The following ZDHHC21 variants were observed in gnomAD, a reference collection of about 807,000 sequenced individuals.
ZDHHC21 encodes the protein palmitoyltransferase ZDHHC21.
Under a neutral mutation model 34.6 loss-of-function variants are expected in ZDHHC21, and 15 were observed. The observed-to-expected ratio is 0.43, with a 90% CI of 0.29 to 0.67. The LOEUF is 0.67. Ranked by LOEUF, ZDHHC21 falls within the 30% of genes least tolerant of loss-of-function variation. The probability of loss-of-function intolerance (pLI) is 0.14; values close to 1 mark genes in which losing one functional copy is unlikely to be tolerated. For missense variants in ZDHHC21, 344 were observed against 327.7 expected (o/e 1.05, Z -0.38); for synonymous variants, 142 against 101.8 (o/e 1.40, Z -2.38).
At chr9:14,603,677 TA>T in the ZDHHC21 span, among the ~76,000 whole-genome samples, 1 of 152,076 alleles carries the variant, frequency 6.6e-6, no homozygotes, top group Non-Finnish European at 1.5e-5. Context: ...AATATGAAAA[TA>T]AGATCTCAAC....
At position 14,666,581 on chromosome 9, in the gene ZDHHC21, T is replaced by C. The variant is rs1343111997; in HGVS notation, c.254-4255A>G. Among the ~76,000 whole-genome samples, 10 of 105,052 alleles carry C rather than the reference T, an allele frequency of 9.5e-5. 2 individuals are homozygous for C. Among genetic ancestry groups the C allele is most frequent in the African/African-American group, 2.5e-4 (8 of 31,668 alleles). The allele number at this position is 105,052 out of a possible 152,430, so 68.9% of individuals were successfully genotyped here. On this transcript the variant is annotated intron_variant, in intron 5 of 9. Transcript: ENST00000380916. ...GCACCACACCACACCTATTCCAAAA[T>C]TGACCACATAGTAGGAAGTAAAGCT...
intron 2 of ZDHHC21, among the ~76,000 whole-genome samples, chr9:14,686,840 G>T (rs901449108): frequency 1.3e-5 from 2 of 150,290 alleles, no homozygotes; most frequent in South Asian, 4.1e-4. Flanking sequence ...GGGCGTGGTG[G>T]TGTGTGCCTG....
chr9:14,661,506 A>G (rs1833392298), intron 6 of ZDHHC21, among the ~76,000 whole-genome samples: 1 of 152,240 alleles, frequency 6.6e-6, no homozygotes, highest in African/African-American at 2.4e-5. Flanking sequence ...CAGAGAGCCA[A>G]TGCTAAGAAA....
chr9:14,605,060 T>C, the ZDHHC21 span, among the ~76,000 whole-genome samples: 7 of 152,170 alleles, frequency 4.6e-5, no homozygotes, highest in Non-Finnish European at 1.0e-4. Flanking sequence ...TATGGCTGAA[T>C]AACATTCCAT....
At chr9:14,692,027 C>A (rs981438630) in intron 1 of ZDHHC21, among the ~76,000 whole-genome samples, 1 of 152,180 alleles carries the variant, frequency 6.6e-6, no homozygotes, top group Non-Finnish European at 1.5e-5. Context: ...GGACTAGAAT[C>A]TAGTTTTTCT....
chr9:14,690,456 T>C (rs1839002109), intron 1 of ZDHHC21, 71 bp from the exon 2 acceptor site: 2 of 417,584 alleles, frequency 4.8e-6, no homozygotes, highest in Middle Eastern at 4.5e-4. Context: ...TTAGGTTAGA[T>C]TTAAAATAAA....
At chr9:14,620,303 TC>T (rs1027220296) in intron 8 of ZDHHC21, among the ~76,000 whole-genome samples, 2 of 152,014 alleles carry the variant, frequency 1.3e-5, no homozygotes, top group African/African-American at 2.4e-5. Flanking sequence ...AAAAAAAATT[TC>T]AACAAACAGA....
chr9:14,650,444 A>G (rs1052585879), intron 7 of ZDHHC21, among the ~76,000 whole-genome samples: 1 of 151,952 alleles, frequency 6.6e-6, no homozygotes, highest in Admixed American at 6.6e-5. Context: ...TAAAAAGCTA[A>G]ATGTGTATTT....
chr9:14,596,296 T>C, the ZDHHC21 span, among the ~76,000 whole-genome samples: 1 of 152,216 alleles, frequency 6.6e-6, no homozygotes, highest in Non-Finnish European at 1.5e-5. Context: ...TCAGTAGTGG[T>C]GGTAGCCACA....
chr9:14,677,927 A>C (rs1836716901), intron 3 of ZDHHC21, among the ~76,000 whole-genome samples: 1 of 152,154 alleles, frequency 6.6e-6, no homozygotes. Context: ...TTAGAAAAGC[A>C]TAAAGATTAG....
rs760034714 is a variant in ZDHHC21 at position 14,613,059 on chromosome 9, G to C, written c.*5907C>G. ...GTGAAAAGTGCTTCAATTATCTTTT[G>C]TAATTTCAGCCTATCAAACTACCTT... is the stretch of plus-strand genomic sequence containing the variant. On this transcript the variant is annotated 3_prime_UTR_variant, in exon 10 of 10. Coordinates refer to ENST00000380916, the MANE Select transcript of ZDHHC21 (RefSeq NM_178566.6). 3 of 151,546 alleles carry C rather than the reference G, an allele frequency of 2.0e-5. No individual in the cohort carries two copies. Among genetic ancestry groups the C allele is most frequent in the East Asian group, 1.9e-4 (1 of 5,176 alleles). The allele number at this position is 151,546 out of a possible 1,614,324, so 9.4% of individuals were successfully genotyped here.
intron 3 of ZDHHC21, among the ~76,000 whole-genome samples, chr9:14,678,377 C>T (rs189954172): frequency 6.6e-6 from 1 of 152,026 alleles, no homozygotes; most frequent in East Asian, 1.9e-4. Flanking sequence ...TACTGCAACA[C>T]ATGACCGACA....
chr9:14,604,001 A>T, the ZDHHC21 span, among the ~76,000 whole-genome samples: 13 of 152,326 alleles, frequency 8.5e-5, no homozygotes, highest in African/African-American at 3.1e-4. Context: ...ATTTACAAAG[A>T]CTTTTTCCAG....
In ZDHHC21 at chr9:14,649,109, C is replaced by T. The variant is rs1176350892; in HGVS notation, c.505-9097G>A. Among the ~76,000 whole-genome samples the T allele has an allele frequency of 4.6e-5, 7 of 151,972 alleles. No individual in the cohort carries two copies. In the East Asian group the frequency reaches 1.4e-3, roughly 29 times the overall value. On this transcript the variant is annotated intron_variant, in intron 7 of 9. Transcript: ENST00000380916. ...GATGCCAGTAGCACTCCCCTAGCTG[C>T]GACAACCAAAAACATCTCCAGACAT...
intron 2 of ZDHHC21, among the ~76,000 whole-genome samples, chr9:14,685,154 A>G (rs553024508): frequency 6.8e-4 from 103 of 151,988 alleles, no homozygotes; most frequent in African/African-American, 2.4e-3. Flanking sequence ...CAAGGACTTC[A>G]TGTCTAAAAC....
chr9:14,681,813 C>G (rs1003676831), intron 2 of ZDHHC21, among the ~76,000 whole-genome samples: 1 of 150,890 alleles, frequency 6.6e-6, no homozygotes. Context: ...ATGGGCAGAT[C>G]GAAGCCCATC....
intron 2 of ZDHHC21, among the ~76,000 whole-genome samples, chr9:14,687,093 G>T (rs1278182193): frequency 6.6e-6 from 1 of 150,640 alleles, no homozygotes; most frequent in East Asian, 1.9e-4. Flanking sequence ...TTTGAAAGAT[G>T]GCCAAAAACA....
intron 7 of ZDHHC21, among the ~76,000 whole-genome samples, chr9:14,657,784 T>C (rs1334711605): frequency 6.6e-6 from 1 of 152,200 alleles, no homozygotes; most frequent in Non-Finnish European, 1.5e-5. Flanking sequence ...CACTAAACTC[T>C]ACTTCTCTGT....
In ZDHHC21 at chr9:14,669,860, G is replaced by C. The variant is rs1205645792; in HGVS notation, c.253+2970C>G. Among the ~76,000 whole-genome samples, 14 of 112,044 alleles carry C rather than the reference G, an allele frequency of 1.2e-4. No homozygotes were observed. In the South Asian group the frequency reaches 3.0e-3, roughly 24 times the overall value. 73.5% of individuals were successfully genotyped at this position (112,044 alleles called of 152,430 possible). ...CACACTCTAGGGACTGTGGTGGGGT[G>C]GGGGGAGGGGGGAGGGATAGCATTG... On this transcript the variant is annotated intron_variant, in intron 5 of 9. Coordinates refer to ENST00000380916, the MANE Select transcript of ZDHHC21 (RefSeq NM_178566.6).
Sources: gnomAD v4.1 joint callset for allele counts (sites outside exome capture counted in the v4.1 genomes callset) on GRCh38, gnomAD v4.1.1 for gene constraint, MANE v1.5 for transcripts, NCBI Gene and HGNC (gene_info 2026-07-23, HGNC 2026-07-21) for gene names.